Variants in DPY19L4 observed in about 807,000 individuals in gnomAD.
The protein encoded by DPY19L4 is probable C-mannosyltransferase DPY19L4.
A neutral mutation model predicts 102.8 loss-of-function variants in DPY19L4; 97 were observed. That is an observed-to-expected ratio of 0.94 (90% CI 0.80 to 1.12). The LOEUF is 1.12. DPY19L4 is among the 50% of genes most tolerant of loss of function. The pLI is 0.00. For synonymous variants in DPY19L4, 252 were observed against 283.1 expected (o/e 0.89, Z 1.10); for missense variants, 815 against 850.4 (o/e 0.96, Z 0.52).
intron 3 of DPY19L4, among the ~76,000 whole-genome samples, chr8:94,737,121 ATAT>A (rs910067018): frequency 3.7e-4 from 56 of 152,314 alleles, no homozygotes; most frequent in African/African-American, 1.3e-3. Flanking sequence ...AAAAGGATAA[ATAT>A]TATTAATATG....
intron 14 of DPY19L4, 52 bp from the exon 15 acceptor site, chr8:94,780,307 C>T (rs939340825): frequency 8.9e-5 from 118 of 1,320,208 alleles, no homozygotes; most frequent in South Asian, 1.6e-4. Flanking sequence ...TTACCTCTAA[C>T]GTGTGTTCTG....
At chr8:94,723,010 G>C (rs1477158214) in intron 1 of DPY19L4, among the ~76,000 whole-genome samples, 1 of 152,144 alleles carries the variant, frequency 6.6e-6, no homozygotes, top group Non-Finnish European at 1.5e-5. Flanking sequence ...CATTTCACTT[G>C]GAAACTGCTA....
At chr8:94,733,822 G>C (rs143080776) in intron 2 of DPY19L4, among the ~76,000 whole-genome samples, 1 of 152,048 alleles carries the variant, frequency 6.6e-6, no homozygotes, top group Non-Finnish European at 1.5e-5. Flanking sequence ...GATTACAGAC[G>C]TGAGCTACCG....
chr8:94,750,633 C>CT (rs1203066681), intron 6 of DPY19L4, among the ~76,000 whole-genome samples: 2 of 151,772 alleles, frequency 1.3e-5, no homozygotes, highest in African/African-American at 2.4e-5. Flanking sequence ...TATTTTAATG[C>CT]TTTTTTAACA....
At chr8:94,769,937 G>C (rs1034542098) in intron 12 of DPY19L4, among the ~76,000 whole-genome samples, 1 of 148,498 alleles carries the variant, frequency 6.7e-6, no homozygotes, top group Non-Finnish European at 1.5e-5. Flanking sequence ...ACTCAGGCTG[G>C]AGTGCAGTGG....
rs548953523 is a variant in DPY19L4, at chr8:94,737,661, TA to T, written c.253-707del. ...AGCCGGGCGTGGTGGCGGGTGCCTG[TA>T]GTCCCAGCTACTTGGGAGGCTGAGG... is the stretch of plus-strand genomic sequence containing the variant. On this transcript the variant is annotated intron_variant, in intron 3 of 18. Transcript: ENST00000414645. Among the ~76,000 whole-genome samples the T allele has an allele frequency of 7.9e-5, 12 of 151,876 alleles. No homozygotes were observed. The East Asian group carries it at 2.4e-3, about 30-fold the overall frequency.
chr8:94,729,357 G>A (rs1344183008), intron 2 of DPY19L4, among the ~76,000 whole-genome samples: 1 of 151,496 alleles, frequency 6.6e-6, no homozygotes, highest in Non-Finnish European at 1.5e-5. Context: ...GGGTGACAGA[G>A]TGAGACTCCG....
chr8:94,750,979 C>T (rs1811893941), intron 6 of DPY19L4, among the ~76,000 whole-genome samples: 1 of 151,840 alleles, frequency 6.6e-6, no homozygotes, highest in South Asian at 2.1e-4. Flanking sequence ...CTGGGTTTCA[C>T]CATGTTGGCC....
chr8:94,768,292 G>A (rs1273611552), intron 11 of DPY19L4, 103 bp from the exon 12 acceptor site: 2 of 877,682 alleles, frequency 2.3e-6, no homozygotes, highest in Non-Finnish European at 3.5e-6. Flanking sequence ...AACGGGTTTA[G>A]GAAATGTGTT....
intron 2 of DPY19L4, among the ~76,000 whole-genome samples, chr8:94,729,722 T>G (rs1480795009): frequency 6.6e-6 from 1 of 151,116 alleles, no homozygotes; most frequent in Non-Finnish European, 1.5e-5. Context: ...TCCCAGCTAC[T>G]TGGGAGGCTG....
chr8:94,744,406 T>C, intron 6 of DPY19L4: 1 of 456,616 alleles, frequency 2.2e-6, no homozygotes, highest in South Asian at 1.5e-5. Flanking sequence ...TATGAGAGAG[T>C]GTGCCACAAT....
At chr8:94,722,878 T>C (rs989080322) in intron 1 of DPY19L4, among the ~76,000 whole-genome samples, 2 of 152,202 alleles carry the variant, frequency 1.3e-5, no homozygotes, top group South Asian at 2.1e-4. Context: ...ACTCTGGGAA[T>C]CTGGTCTTTA....
rs367790532 is a variant in DPY19L4, at chr8:94,777,774, C to T, written c.1563C>T (p.His521=). The part of the protein sequence containing the change: ...LFKWLRLRTV[H]PILLALILSM... ...AGTGGCTTCGATTAAGAACTGTACA[C>T]CCAATATTGTTGGTGAGTCATTATT... Residue 521 remains histidine (H), a synonymous_variant, in exon 14 of 19, where the codon CAC becomes CAT. Coordinates refer to ENST00000414645, the MANE Select transcript of DPY19L4 (RefSeq NM_181787.3). The T allele has an allele frequency of 5.0e-6, 8 of 1,610,772 alleles. No individual in the cohort carries two copies. In the African/African-American group the frequency reaches 9.4e-5, roughly 19 times the overall value.
chr8:94,731,745 TTTTGTTTG>T (rs549123006), intron 2 of DPY19L4, among the ~76,000 whole-genome samples: 4 of 151,576 alleles, frequency 2.6e-5, no homozygotes, highest in Admixed American at 2.6e-4. Context: ...TGCAGAGTGT[TTTTGTTTG>T]TTTGTTTGTT....
chr8:94,770,829 G>C (rs578012722), intron 13 of DPY19L4, among the ~76,000 whole-genome samples: 4 of 151,820 alleles, frequency 2.6e-5, no homozygotes, highest in African/African-American at 9.7e-5. Context: ...GGTAGAAGTT[G>C]CAATGAGCCG....
chr8:94,766,846 C>CTG (rs1812694771), intron 11 of DPY19L4, among the ~76,000 whole-genome samples, 161 bp downstream of exon 11: 1 of 151,812 alleles, frequency 6.6e-6, no homozygotes, highest in Non-Finnish European at 1.5e-5. Context: ...GAGTTTGAGA[C>CTG]CAGTCTGGGC....
chr8:94,771,106 A>G (rs1468185316), intron 13 of DPY19L4, among the ~76,000 whole-genome samples: 3 of 151,944 alleles, frequency 2.0e-5, no homozygotes, highest in Non-Finnish European at 4.4e-5. Context: ...TAGTAGAGAC[A>G]GGGTTTCACC....
At chr8:94,764,317 C>T (rs900032221) in intron 8 of DPY19L4, among the ~76,000 whole-genome samples, 1 of 152,040 alleles carries the variant, frequency 6.6e-6, no homozygotes, top group African/African-American at 2.4e-5. Flanking sequence ...TGGCTCACGC[C>T]TGTAATCCCA....
At chr8:94,728,435 T>C (rs954241792) in intron 2 of DPY19L4, among the ~76,000 whole-genome samples, 2 of 152,230 alleles carry the variant, frequency 1.3e-5, no homozygotes, top group African/African-American at 4.8e-5. Flanking sequence ...TCTCTTCCAT[T>C]TTCCTCTATA....
Sources: gnomAD v4.1 joint callset for allele counts (sites outside exome capture counted in the v4.1 genomes callset) on GRCh38, gnomAD v4.1.1 for gene constraint, MANE v1.5 for transcripts, NCBI Gene and HGNC (gene_info 2026-07-23, HGNC 2026-07-21) for gene names.